Variants in MCUB observed in about 807,000 individuals in gnomAD.
The protein encoded by MCUB is mitochondrial calcium uniporter dominant negative subunit beta.
A neutral mutation model predicts 41.4 loss-of-function variants in MCUB; 46 were observed. That is an observed-to-expected ratio of 1.11 (90% CI 0.88 to 1.42). The LOEUF is 1.42. Ranked by LOEUF, MCUB falls within the 40% of genes most tolerant of loss-of-function variation. The probability of loss-of-function intolerance (pLI) is 0.00; values close to 1 mark genes in which losing one functional copy is unlikely to be tolerated. For missense variants in MCUB, 403 were observed against 404.9 expected (o/e 1.00, Z 0.04); for synonymous variants, 148 against 148.2 (o/e 1.00, Z 0.01).
intron 1 of MCUB, among the ~76,000 whole-genome samples, chr4:109,573,177 G>A (rs1726952919): frequency 6.6e-6 from 1 of 152,132 alleles, no homozygotes; most frequent in Non-Finnish European, 1.5e-5. Flanking sequence ...AACAGATTGG[G>A]CACGGTGGCT....
chr4:109,681,988 T>C (rs1729727778), intron 4 of MCUB, among the ~76,000 whole-genome samples: 1 of 152,254 alleles, frequency 6.6e-6, no homozygotes, highest in South Asian at 2.1e-4. Context: ...TCCCGATCCT[T>C]GTCCTTCCCG....
chr4:109,636,020 G>C (rs940543185), intron 1 of MCUB, among the ~76,000 whole-genome samples: 2 of 152,328 alleles, frequency 1.3e-5, no homozygotes, highest in South Asian at 4.1e-4. Context: ...CCAAAGTGTA[G>C]TTGACACTCC....
At chr4:109,680,951 A>G (rs1729701617) in intron 4 of MCUB, among the ~76,000 whole-genome samples, 1 of 152,220 alleles carries the variant, frequency 6.6e-6, no homozygotes, top group African/African-American at 2.4e-5. Flanking sequence ...ATATGGACTT[A>G]TAAACCCATG....
intron 1 of MCUB, among the ~76,000 whole-genome samples, chr4:109,565,058 A>G (rs903979274): frequency 6.6e-6 from 1 of 152,212 alleles, no homozygotes; most frequent in Admixed American, 6.5e-5. Flanking sequence ...CTTAGAACAT[A>G]TTTGTTCAAG....
chr4:109,597,679 G>A (rs1427849892), intron 1 of MCUB, among the ~76,000 whole-genome samples: 2 of 135,388 alleles, frequency 1.5e-5, no homozygotes, highest in Non-Finnish European at 3.2e-5. Context: ...CTGGCCGGGC[G>A]GGGGGCTGAC....
chr4:109,669,160 C>A (rs1729404477), intron 4 of MCUB, among the ~76,000 whole-genome samples: 1 of 152,078 alleles, frequency 6.6e-6, no homozygotes, highest in Non-Finnish European at 1.5e-5. Context: ...CAACCTATAT[C>A]ATCTTGCTTT....
intron 1 of MCUB, among the ~76,000 whole-genome samples, chr4:109,632,906 C>T (rs564333504): frequency 1.6e-3 from 248 of 152,256 alleles, no homozygotes; most frequent in African/African-American, 5.8e-3. Flanking sequence ...TGAGCCACCA[C>T]ACCTGCCCTG....
At chr4:109,685,418 G>GT (rs751753234) in intron 7 of MCUB, 51 bp downstream of exon 7, 169 of 767,272 alleles carry the variant, frequency 2.2e-4, no homozygotes, top group Admixed American at 3.1e-4. Context: ...CCAGAACTTA[G>GT]TATCAGGGAA....
intron 1 of MCUB, among the ~76,000 whole-genome samples, chr4:109,610,954 A>G (rs1263273492): frequency 6.6e-6 from 1 of 152,220 alleles, no homozygotes; most frequent in African/African-American, 2.4e-5. Flanking sequence ...ATGAGAATCA[A>G]TGGAAATTTT....
At chr4:109,655,498 C>A (rs1412827158) in intron 1 of MCUB, among the ~76,000 whole-genome samples, 3 of 152,136 alleles carry the variant, frequency 2.0e-5, no homozygotes, top group African/African-American at 7.2e-5. Context: ...CTGAAGCCAT[C>A]TAGCATCCCA....
intron 1 of MCUB, among the ~76,000 whole-genome samples, chr4:109,576,218 C>T (rs553236453): frequency 9.2e-5 from 14 of 152,206 alleles, no homozygotes; most frequent in Admixed American, 5.2e-4. Context: ...GATCCTGAGT[C>T]CATTCCTGAG....
chr4:109,640,247 G>A (rs900556449), intron 1 of MCUB, among the ~76,000 whole-genome samples: 1 of 152,170 alleles, frequency 6.6e-6, no homozygotes, highest in South Asian at 2.1e-4. Context: ...GTTAGGGTGG[G>A]GCAAGAACAG....
chr4:109,574,219 T>C (rs1277061418), intron 1 of MCUB, among the ~76,000 whole-genome samples: 2 of 152,174 alleles, frequency 1.3e-5, no homozygotes, highest in Non-Finnish European at 1.5e-5. Flanking sequence ...TGCATTCAAA[T>C]ATCTGAGATG....
chr4:109,671,760 G>A (rs978567540), intron 4 of MCUB, among the ~76,000 whole-genome samples: 1 of 152,052 alleles, frequency 6.6e-6, no homozygotes, highest in Non-Finnish European at 1.5e-5. Flanking sequence ...GGTTGTTGTT[G>A]TTTTTTTCTT....
intron 5 of MCUB, among the ~76,000 whole-genome samples, chr4:109,684,155 T>C (rs1404366175): frequency 4.0e-5 from 6 of 151,420 alleles, no homozygotes; most frequent in Admixed American, 6.6e-5. Flanking sequence ...CTCCACCTCC[T>C]GGGTTCACGC....
chr4:109,595,542 C>G (rs746317792), intron 1 of MCUB, among the ~76,000 whole-genome samples: 2 of 152,228 alleles, frequency 1.3e-5, no homozygotes, highest in Non-Finnish European at 2.9e-5. Context: ...GCATCATTGT[C>G]CAATGATTAT....
intron 1 of MCUB, among the ~76,000 whole-genome samples, chr4:109,567,792 G>A (rs552590754): frequency 5.3e-4 from 81 of 152,036 alleles, no homozygotes; most frequent in African/African-American, 1.6e-3. Flanking sequence ...TCCACCTCCC[G>A]GGTTCAAGCA....
chr4:109,583,066 G>T (rs1727220803), intron 1 of MCUB, among the ~76,000 whole-genome samples: 1 of 152,140 alleles, frequency 6.6e-6, no homozygotes, highest in Non-Finnish European at 1.5e-5. Context: ...GGTTCCATAT[G>T]AACTTTAAAG....
intron 1 of MCUB, among the ~76,000 whole-genome samples, chr4:109,643,474 C>A (rs1401506254): frequency 6.8e-6 from 1 of 146,092 alleles, no homozygotes; most frequent in East Asian, 2.1e-4. Flanking sequence ...GATAAGCCAC[C>A]ATGCCTGGCC....
Sources: gnomAD v4.1 joint callset for allele counts (sites outside exome capture counted in the v4.1 genomes callset) on GRCh38, gnomAD v4.1.1 for gene constraint, MANE v1.5 for transcripts, NCBI Gene and HGNC (gene_info 2026-07-23, HGNC 2026-07-21) for gene names.